RGSL1: variants seen among roughly 807,000 people sequenced by gnomAD.
RGSL1 encodes regulator of G protein signaling protein-like.
Under a neutral mutation model 124.7 loss-of-function variants are expected in RGSL1, and 97 were observed. The observed-to-expected ratio is 0.78, with a 90% CI of 0.66 to 0.92. The LOEUF is 0.92. Ranked by LOEUF, RGSL1 falls within the 40% of genes least tolerant of loss-of-function variation. RGSL1 has a pLI of 0.00. For missense variants in RGSL1, 1,233 were observed against 1,288.4 expected (o/e 0.96, Z 0.66); for synonymous variants, 424 against 438.1 (o/e 0.97, Z 0.40).
At chr1:182,475,131 G>A (rs1383982565) in intron 6 of RGSL1, among the ~76,000 whole-genome samples, 1 of 152,106 alleles carries the variant, frequency 6.6e-6, no homozygotes, top group African/African-American at 2.4e-5. Flanking sequence ...GTTATGTGAA[G>A]CCTCCCCAAA....
chr1:182,468,835 A>G (rs266523), intron 4 of RGSL1, among the ~76,000 whole-genome samples: 33,620 of 152,034 alleles, frequency 0.22, 4,750 homozygotes, highest in African/African-American at 0.38. Context: ...ATGGAAAGAC[A>G]GAGTAGAATA....
At chr1:182,453,643 G>T (rs1652029428) in intron 1 of RGSL1, 3 of 217,952 alleles carry the variant, frequency 1.4e-5, no homozygotes, top group Non-Finnish European at 1.8e-5. Context: ...GCTTCAGAGG[G>T]CGTGATTTTT....
At position 182,458,175 on chromosome 1, in the gene RGSL1, T is replaced by G; in HGVS notation, c.97-144T>G. On this transcript the variant is annotated intron_variant, in intron 2 of 21. Transcript: ENST00000294854. ...TTTGCATGTGTGCAGGGCAAGTTGA[T>G]GGAGTAGAATAAATTTAAGAATTAG... The G allele has an allele frequency of 9.8e-6, 6 of 612,106 alleles. No individual in the cohort carries two copies. In the South Asian group the frequency reaches 1.3e-4, roughly 13 times the overall value. The allele number at this position is 612,106 out of a possible 1,614,324, so 37.9% of individuals were successfully genotyped here.
intron 19 of RGSL1, 26 bp from the exon 20 acceptor site, chr1:182,554,601 C>A: frequency 6.5e-7 from 1 of 1,548,926 alleles, no homozygotes; most frequent in South Asian, 1.2e-5. Context: ...AGTCCTGATG[C>A]AATTTTTCTC....
At chr1:182,458,170 G>A in intron 2 of RGSL1, 149 bp from the exon 3 acceptor site, 1 of 609,598 alleles carries the variant, frequency 1.6e-6, no homozygotes. Context: ...TGCAGGGCAA[G>A]TTGATGGAGT....
chr1:182,486,863 C>T lies in RGSL1; in HGVS notation c.1432-1422C>T, dbSNP rs1056970492. ...GCTAATTTTGTATCTTTAGTAGAGA[C>T]GGGGTTTCTCCATGTTGGTCAGGCT... On this transcript the variant is annotated intron_variant, in intron 6 of 21. Coordinates refer to ENST00000294854, the MANE Select transcript of RGSL1 (RefSeq NM_001137669.2). 2.6e-5 allele frequency among the ~76,000 whole-genome samples: 4 copies of T among 151,740 alleles called. No individual in the cohort carries two copies. The East Asian group carries it at 7.7e-4, about 29-fold the overall frequency.
At chr1:182,535,878 T>C (rs561294704) in intron 14 of RGSL1, among the ~76,000 whole-genome samples, 5 of 152,340 alleles carry the variant, frequency 3.3e-5, no homozygotes, top group Admixed American at 2.0e-4. Flanking sequence ...CATCATGATA[T>C]AGAATACTTG....
At chr1:182,511,461 C>T (rs773738198) in intron 9 of RGSL1, among the ~76,000 whole-genome samples, 10 of 152,170 alleles carry the variant, frequency 6.6e-5, no homozygotes, top group South Asian at 4.1e-4. Flanking sequence ...TATGAGCCAC[C>T]GCGCCTGTCC....
chr1:182,532,815 C>T (rs1659273513), intron 14 of RGSL1, 24 bp downstream of exon 14: 2 of 1,542,738 alleles, frequency 1.3e-6, no homozygotes, highest in Admixed American at 2.0e-5. Flanking sequence ...GTATTTACCC[C>T]CACTCCCTGT....
chr1:182,473,518 A>G (rs1438088882), intron 5 of RGSL1, 57 bp from the exon 6 acceptor site: 12 of 1,463,498 alleles, frequency 8.2e-6, no homozygotes, highest in Non-Finnish European at 1.1e-5. Context: ...CTCCAACACC[A>G]TCATCACTGC....
At chr1:182,503,316 G>C (rs1196175489) in intron 9 of RGSL1, among the ~76,000 whole-genome samples, 1 of 152,082 alleles carries the variant, frequency 6.6e-6, no homozygotes. Context: ...CATCAAGATG[G>C]ACATGGATAA....
chr1:182,511,509 CTGT>C (rs1657460009), intron 9 of RGSL1, among the ~76,000 whole-genome samples: 1 of 152,176 alleles, frequency 6.6e-6, no homozygotes, highest in Non-Finnish European at 1.5e-5. Context: ...ATTGAAGAGA[CTGT>C]TATTTCCCCA....
chr1:182,539,908 CA>C (rs1183265061), intron 14 of RGSL1, among the ~76,000 whole-genome samples: 1 of 152,196 alleles, frequency 6.6e-6, no homozygotes, highest in Non-Finnish European at 1.5e-5. Flanking sequence ...TAAGCATCAT[CA>C]GTGTTACACA....
chr1:182,549,876 TCTC>T (rs1240833482), intron 17 of RGSL1: 2 of 152,164 alleles, frequency 1.3e-5, no homozygotes, highest in Non-Finnish European at 2.9e-5. Flanking sequence ...TAACTCTAGT[TCTC>T]CTAGCAAGGA....
At chr1:182,549,047 C>A in intron 17 of RGSL1, 1 of 467,794 alleles carries the variant, frequency 2.1e-6, no homozygotes, top group Middle Eastern at 6.3e-4. Flanking sequence ...AGCCAAACGC[C>A]TGGTTTCCCA....
intron 15 of RGSL1, 51 bp from the exon 16 acceptor site, chr1:182,548,266 C>T: frequency 3.2e-6 from 5 of 1,546,188 alleles, no homozygotes; most frequent in Non-Finnish European, 4.4e-6. Flanking sequence ...CCTTGTTAGT[C>T]ACTGTTTTCA....
chr1:182,499,952 A>G (rs533046570), intron 9 of RGSL1, among the ~76,000 whole-genome samples: 14 of 152,160 alleles, frequency 9.2e-5, no homozygotes, highest in African/African-American at 2.9e-4. Context: ...ATTTACTTCC[A>G]TTCTGTGGGC....
intron 14 of RGSL1, among the ~76,000 whole-genome samples, chr1:182,539,376 G>C (rs1659744936): frequency 6.6e-6 from 1 of 152,160 alleles, no homozygotes; most frequent in Admixed American, 6.5e-5. Flanking sequence ...GTCAAGCACA[G>C]TGTCTGAGAC....
chr1:182,508,392 C>A (rs1420124143), intron 9 of RGSL1, among the ~76,000 whole-genome samples: 1 of 150,034 alleles, frequency 6.7e-6, no homozygotes, highest in East Asian at 2.0e-4. Context: ...CTCCGCCTCC[C>A]GGGTTCAAGT....
Sources: gnomAD v4.1 joint callset for allele counts (sites outside exome capture counted in the v4.1 genomes callset) on GRCh38, gnomAD v4.1.1 for gene constraint, MANE v1.5 for transcripts, NCBI Gene and HGNC (gene_info 2026-07-23, HGNC 2026-07-21) for gene names.